Variants in CREBZF observed in about 807,000 individuals in gnomAD.
CREBZF encodes HCF-binding transcription factor Zhangfei.
Under a neutral mutation model 21.1 loss-of-function variants are expected in CREBZF, and 8 were observed. The ratio of observed to expected loss-of-function variants is 0.38; its 90% CI spans 0.22 to 0.68. The LOEUF (loss-of-function observed/expected upper bound fraction) is 0.68. Among genes scored for constraint, CREBZF ranks in the 30% least tolerant of loss-of-function variants. The pLI, the probability that CREBZF is intolerant of heterozygous loss-of-function variation, is 0.51. For missense variants in CREBZF, 518 were observed against 484.3 expected (o/e 1.07, Z -0.65); for synonymous variants, 270 against 223.3 (o/e 1.21, Z -1.86).
upstream of CREBZF, among the ~76,000 whole-genome samples, chr11:85,666,475 CA>C (rs1401510186): frequency 1.3e-5 from 2 of 151,710 alleles, no homozygotes; most frequent in African/African-American, 4.8e-5. Context: ...ACAGCCCAAA[CA>C]AAAAAAGAGA....
chr11:85,675,838 C>G (rs1038567656), intron 1 of CREBZF, among the ~76,000 whole-genome samples: 1 of 152,116 alleles, frequency 6.6e-6, no homozygotes, highest in African/African-American at 2.4e-5. Flanking sequence ...GGTAGTGAGA[C>G]CATGAGGGGA....
At chr11:85,673,054 A>T (rs184133230) in intron 1 of CREBZF, among the ~76,000 whole-genome samples, 1 of 152,326 alleles carries the variant, frequency 6.6e-6, no homozygotes, top group East Asian at 1.9e-4. Flanking sequence ...GCTGCAGAGG[A>T]GTCTGGCAAA....
rs201840875 is a variant in CREBZF, at chr11:85,663,421, C to G, written c.*390G>C. The G allele has an allele frequency of 1.0e-5, 7 of 669,598 alleles. No individual in the cohort carries two copies. The highest frequency in any genetic ancestry group is 1.9e-5 in the Non-Finnish European group (7 of 375,378). 41.5% of individuals were successfully genotyped at this position (669,598 alleles called of 1,614,324 possible). On this transcript the variant is annotated 3_prime_UTR_variant, in exon 1 of 1. Transcript: ENST00000527447. Reference sequence around the variant, plus strand: ...TAGATTTCCCTCCCACCTTCCAAAACAGAAAAAAAAAAAAAAATCACACAC... The same window carrying G: ...TAGATTTCCCTCCCACCTTCCAAAAGAGAAAAAAAAAAAAAAATCACACAC...
At chr11:85,666,870 G>T (rs1212068361), upstream of CREBZF, among the ~76,000 whole-genome samples, 1 of 152,150 alleles carries the variant, frequency 6.6e-6, no homozygotes, top group African/African-American at 2.4e-5. Flanking sequence ...TCCTTGTCCT[G>T]CTTAACATTC....
intron 1 of CREBZF, among the ~76,000 whole-genome samples, chr11:85,676,970 C>CTTTTTTTTT (rs1422368391): frequency 8.4e-6 from 1 of 118,636 alleles, no homozygotes; most frequent in Non-Finnish European, 1.7e-5. Flanking sequence ...CTTTTTCTGT[C>CTTTTTTTTT]TTTTTTTTTT....
In CREBZF at chr11:85,660,702, C is replaced by A; in HGVS notation, c.*3109G>T. The A allele has an allele frequency of 2.5e-6, 1 of 392,994 alleles. No individual in the cohort carries two copies. The highest frequency in any genetic ancestry group is 5.0e-6 in the Non-Finnish European group (1 of 201,200). 24.3% of individuals were successfully genotyped at this position (392,994 alleles called of 1,614,324 possible). A position where few individuals can be genotyped will look rare whatever the true frequency, so the allele number is the denominator to read the frequency against. On this transcript the variant is annotated 3_prime_UTR_variant, in exon 1 of 1. Coordinates refer to ENST00000527447, the MANE Select transcript of CREBZF (RefSeq NM_001039618.4). ...TTGGATTATATCAGAGGTGTGACTA[C>A]ATTTTAACAAAAGTGGACTTTTTAA...
rs773556718 is a variant in CREBZF at position 85,661,200 on chromosome 11, CATAA to C, written c.*2607_*2610del. 16 of 152,470 alleles carry C rather than the reference CATAA, an allele frequency of 1.0e-4. No individual in the cohort carries two copies. Among genetic ancestry groups the C allele is most frequent in the Non-Finnish European group, 1.6e-4 (11 of 67,942 alleles). 9.4% of individuals were successfully genotyped at this position (152,470 alleles called of 1,614,324 possible). On this transcript the variant is annotated 3_prime_UTR_variant, in exon 1 of 1. Coordinates refer to ENST00000527447, the MANE Select transcript of CREBZF (RefSeq NM_001039618.4). ...ACATTTACAGTAAAATGTGCTTACACATAAATATGACCAAATTTATTTAAAGCCC... is the reference window on the plus strand; with the variant it reads ...ACATTTACAGTAAAATGTGCTTACACATATGACCAAATTTATTTAAAGCCC...
upstream of CREBZF, among the ~76,000 whole-genome samples, chr11:85,668,894 C>T (rs1462756398): frequency 1.3e-5 from 2 of 148,330 alleles, no homozygotes; most frequent in South Asian, 2.1e-4. Context: ...CCCAGCTACT[C>T]GGGAGGCTGA....
rs1428785548 is a variant in CREBZF, at chr11:85,661,076, A to G, written c.*2735T>C. On this transcript the variant is annotated 3_prime_UTR_variant, in exon 1 of 1. Transcript: ENST00000527447. The stretch of plus-strand genomic sequence containing the variant: ...ATAGTAAGACAACAGTTTCACATTA[A>G]TCATAACTTTTTTAATTAACAAGTA... 1 of 153,262 alleles carries G rather than the reference A, an allele frequency of 6.5e-6. No individual in the cohort carries two copies. The highest frequency in any genetic ancestry group is 1.5e-5 in the Non-Finnish European group (1 of 68,508). The allele number at this position is 153,262 out of a possible 1,614,324, so 9.5% of individuals were successfully genotyped here. A position where few individuals can be genotyped will look rare whatever the true frequency, so the allele number is the denominator to read the frequency against.
intron 1 of CREBZF, among the ~76,000 whole-genome samples, chr11:85,671,514 C>T (rs769728953): frequency 4.6e-5 from 7 of 152,232 alleles, no homozygotes; most frequent in Non-Finnish European, 8.8e-5. Context: ...TCCCTTCTGC[C>T]TATAAGCCTG....
chr11:85,664,406 T>C lies in CREBZF; in HGVS notation c.470A>G (p.Gln157Arg). Residue 157 changes from glutamine (Q) to arginine (R), a missense_variant, in exon 1 of 1, where the codon CAG becomes CGG. Physicochemically the swap from Gln to Arg is conservative, Grantham distance 43. Transcript: ENST00000527447. The surrounding 1 kb of genome is among the most constrained non-coding windows in gnomAD (Gnocchi z 5.5). Reference sequence around the variant, plus strand: ...CCTTTGCAGCAGGTCAGAGAAGCGCTGCATTTCAGCAGCCGCGGCCTCATC... The same window carrying C: ...CCTTTGCAGCAGGTCAGAGAAGCGCCGCATTTCAGCAGCCGCGGCCTCATC... ...DDDEAAAAEMQRFSDLLQRLL... is the reference protein window; with the variant it reads ...DDDEAAAAEMRRFSDLLQRLL... 2 of 1,613,810 alleles carry C rather than the reference T, an allele frequency of 1.2e-6. No individual in the cohort carries two copies. Among genetic ancestry groups the C allele is most frequent in the Non-Finnish European group, 8.5e-7 (1 of 1,180,002 alleles).
In CREBZF at chr11:85,664,236, C is replaced by A. The variant is rs769288678; in HGVS notation, c.640G>T (p.Ala214Ser). The change falls in exon 1 of 1, where the codon GCG becomes TCG. Residue 214 changes from alanine to serine, a missense_variant. By Grantham distance (99) the Ala-to-Ser change is moderately conservative. This residue lies in a region of CREBZF where 396 missense variants were observed against 324.4 expected (regional missense o/e 1.22). Transcript: ENST00000527447. This position sits in a 1 kb window ranked among gnomAD's most constrained non-coding sequence, Gnocchi z 5.5. ...CGATTAAGGCGGGCAGCGGCCGCCGCCGCCTTCCGGGGACTCTTTGTCGCC... is the reference window on the plus strand; with the variant it reads ...CGATTAAGGCGGGCAGCGGCCGCCGACGCCTTCCGGGGACTCTTTGTCGCC... The part of the protein sequence containing the change: ...QAATKSPRKA[A>S]AAAARLNRLK... The A allele has an allele frequency of 6.8e-6, 11 of 1,612,644 alleles. No individual in the cohort carries two copies. Among genetic ancestry groups the A allele is most frequent in the Non-Finnish European group, 9.3e-6 (11 of 1,179,802 alleles).
chr11:85,676,718 C>T lies in CREBZF; in HGVS notation n.147+5999G>A, dbSNP rs1447750924. 7.2e-5 allele frequency among the ~76,000 whole-genome samples: 11 copies of T among 151,868 alleles called. No homozygotes were observed. In the East Asian group the frequency reaches 2.1e-3, roughly 29 times the overall value. ...GTAGCTCAAACATGGCTCACTGCAG[C>T]CTCGACCACCCTGGGCTCAGGTGGT... On this transcript the variant is annotated intron_variant and non_coding_transcript_variant, in intron 1 of 3. Transcript: ENST00000531515.
Position 85,663,209 on chromosome 11 carries a change from T to C in CREBZF, c.*602A>G, listed in dbSNP as rs755993958. On this transcript the variant is annotated 3_prime_UTR_variant, in exon 1 of 1. Coordinates refer to ENST00000527447, the MANE Select transcript of CREBZF (RefSeq NM_001039618.4). ...TCACTGTCTCCAAACTGTCTCTCTATAAGCAGGTTTCAGTGTACAGTTGGA... is the reference window on the plus strand; with the variant it reads ...TCACTGTCTCCAAACTGTCTCTCTACAAGCAGGTTTCAGTGTACAGTTGGA... The C allele has an allele frequency of 1.4e-5, 5 of 350,192 alleles. No individual in the cohort carries two copies. The highest frequency in any genetic ancestry group is 2.6e-5 in the Non-Finnish European group (5 of 189,136). 21.7% of individuals were successfully genotyped at this position (350,192 alleles called of 1,614,324 possible).
Position 85,662,098 on chromosome 11 carries a change from C to A in CREBZF, c.*1713G>T. ...CTCCAATTTGTGAGTTTGGCTACTACCCATTCATGCTCAAGTGCAGTAGTA... is the reference window on the plus strand; with the variant it reads ...CTCCAATTTGTGAGTTTGGCTACTAACCATTCATGCTCAAGTGCAGTAGTA... On this transcript the variant is annotated 3_prime_UTR_variant, in exon 1 of 1. Transcript: ENST00000527447. 1 of 304,502 alleles carries A rather than the reference C, an allele frequency of 3.3e-6. No individual in the cohort carries two copies. Among genetic ancestry groups the A allele is most frequent in the Non-Finnish European group, 6.6e-6 (1 of 150,966 alleles). The allele number at this position is 304,502 out of a possible 1,614,324, so 18.9% of individuals were successfully genotyped here.
chr11:85,676,666 T>C (rs1035889881), intron 1 of CREBZF, among the ~76,000 whole-genome samples: 1 of 151,960 alleles, frequency 6.6e-6, no homozygotes, highest in Admixed American at 6.6e-5. Context: ...AGACAGGGTG[T>C]CACTTTGTCA....
chr11:85,663,729 A>C lies in CREBZF; in HGVS notation c.*82T>G. On this transcript the variant is annotated 3_prime_UTR_variant, in exon 1 of 1. Coordinates refer to ENST00000527447, the MANE Select transcript of CREBZF (RefSeq NM_001039618.4). Reference sequence around the variant, plus strand: ...TCTCTCCTCTGAAATGTGTCCGGTGAAGATGTCCCACTAAGGTAAGTTTGA... The same window carrying C: ...TCTCTCCTCTGAAATGTGTCCGGTGCAGATGTCCCACTAAGGTAAGTTTGA... 1.3e-6 allele frequency: 2 copies of C among 1,593,154 alleles called. No homozygotes were observed. The highest frequency in any genetic ancestry group is 2.3e-5 in the South Asian group (2 of 87,136).
chr11:85,662,897 T>C lies in CREBZF; in HGVS notation c.*914A>G, dbSNP rs915837669. On this transcript the variant is annotated 3_prime_UTR_variant, in exon 1 of 1. Coordinates refer to ENST00000527447, the MANE Select transcript of CREBZF (RefSeq NM_001039618.4). ...CTCAAAGAAACATTAGCCATTCTTA[T>C]TCTCCAATTAACTAAAACGCAGGAG... 2.5e-5 allele frequency: 4 copies of C among 157,782 alleles called. No individual in the cohort carries two copies. The highest frequency in any genetic ancestry group is 2.5e-4 in the Admixed American group (4 of 15,972). 9.8% of individuals were successfully genotyped at this position (157,782 alleles called of 1,614,324 possible).
chr11:85,662,268 T>C lies in CREBZF; in HGVS notation c.*1543A>G. ...AACCAAATAACAAAATAAAACATTT[T>C]ATGTGTAAGATAACTTACATCTTTG... is the stretch of plus-strand genomic sequence containing the variant. On this transcript the variant is annotated 3_prime_UTR_variant, in exon 1 of 1. Coordinates refer to ENST00000527447, the MANE Select transcript of CREBZF (RefSeq NM_001039618.4). 1.7e-6 allele frequency: 1 copy of C among 598,214 alleles called. No individual in the cohort carries two copies. The highest frequency in any genetic ancestry group is 2.1e-5 in the South Asian group (1 of 47,562). The allele number at this position is 598,214 out of a possible 1,614,324, so 37.1% of individuals were successfully genotyped here. A position where few individuals can be genotyped will look rare whatever the true frequency, so the allele number is the denominator to read the frequency against.
Sources: gnomAD v4.1 joint callset for allele counts (sites outside exome capture counted in the v4.1 genomes callset) on GRCh38, gnomAD v4.1.1 for gene constraint, gnomAD v4.1.1 regional missense constraint, Gnocchi (gnomAD v3.1) non-coding constraint, MANE v1.5 for transcripts, NCBI Gene and HGNC (gene_info 2026-07-23, HGNC 2026-07-21) for gene names.